Variants in ZBTB43 observed in about 807,000 individuals in gnomAD.
ZBTB43 encodes the protein zinc finger and BTB domain containing 43.
A neutral mutation model predicts 31.1 loss-of-function variants in ZBTB43; 6 were observed. The observed-to-expected ratio is 0.19, with a 90% confidence interval of 0.11 to 0.38. The LOEUF is 0.38. ZBTB43 is among the 10% of genes least tolerant of loss of function. ZBTB43 has a pLI of 1.00. For synonymous variants in ZBTB43, 212 were observed against 221.7 expected (o/e 0.96, Z 0.39); for missense variants, 379 against 602.1 (o/e 0.63, Z 3.88).
chr9:126,808,120 A>G (rs1047797131), intron 1 of ZBTB43, among the ~76,000 whole-genome samples: 1 of 152,176 alleles, frequency 6.6e-6, no homozygotes, highest in Non-Finnish European at 1.5e-5. Context: ...ATTCTAATGC[A>G]CGTGAGGGTA....
intron 1 of ZBTB43, among the ~76,000 whole-genome samples, chr9:126,807,684 A>G (rs1163331421): frequency 6.6e-6 from 1 of 151,976 alleles, no homozygotes; most frequent in Admixed American, 6.6e-5. Flanking sequence ...CGCCCAGGCT[A>G]GAGTGCAGTG....
chr9:126,814,874 A>G (rs113888604), intron 2 of ZBTB43, among the ~76,000 whole-genome samples: 97 of 152,086 alleles, frequency 6.4e-4, no homozygotes, highest in African/African-American at 2.2e-3. Context: ...CTAAGTTGAC[A>G]GGCCTTTCCG....
At chr9:126,830,903 C>T (rs2032749840) in intron 2 of ZBTB43, among the ~76,000 whole-genome samples, 1 of 152,100 alleles carries the variant, frequency 6.6e-6, no homozygotes, top group Non-Finnish European at 1.5e-5. Context: ...CCTTAGTCTT[C>T]GTTATAACTT....
At position 126,835,516 on chromosome 9, in the gene ZBTB43, A is replaced by G. The variant is rs2032860191; in HGVS notation, c.*1603A>G. The G allele has an allele frequency of 1.8e-5, 3 of 167,034 alleles. No individual in the cohort carries two copies. The Admixed American group carries it at 2.0e-4, about 11-fold the overall frequency. 10.3% of individuals were successfully genotyped at this position (167,034 alleles called of 1,614,324 possible). A position where few individuals can be genotyped will look rare whatever the true frequency, so the allele number is the denominator to read the frequency against. The stretch of plus-strand genomic sequence containing the variant: ...AAGTTTGGCTTTGCTGTAATGTAAT[A>G]GACATTGCTGGCAATGGCCTCTGAT... On this transcript the variant is annotated 3_prime_UTR_variant, in exon 3 of 3. Transcript: ENST00000373464.
chr9:126,829,607 A>G (rs904094702), intron 2 of ZBTB43, among the ~76,000 whole-genome samples: 2 of 152,196 alleles, frequency 1.3e-5, no homozygotes, highest in Non-Finnish European at 2.9e-5. Flanking sequence ...TTATTCTGAT[A>G]TATGCACAGG....
chr9:126,809,055 A>G (rs1473772234), intron 2 of ZBTB43, 140 bp downstream of exon 2: 1 of 152,206 alleles, frequency 6.6e-6, no homozygotes, highest in Non-Finnish European at 1.5e-5. Context: ...TTCTGAAGAG[A>G]TGTTACACCT....
chr9:126,837,968 A>T lies in ZBTB43; in HGVS notation c.*4055A>T, dbSNP rs1300904981. On this transcript the variant is annotated 3_prime_UTR_variant, in exon 3 of 3. Coordinates refer to ENST00000373464, the MANE Select transcript of ZBTB43 (RefSeq NM_014007.4). ...TATTTATGCAAGTCAGGTGACTCTT[A>T]GGCCACAAAACCATTTGATGATAAA... 6.0e-6 allele frequency: 1 copy of T among 166,712 alleles called. No individual in the cohort carries two copies. Among genetic ancestry groups the T allele is most frequent in the Non-Finnish European group, 1.5e-5 (1 of 68,094 alleles). 10.3% of individuals were successfully genotyped at this position (166,712 alleles called of 1,614,324 possible). A position where few individuals can be genotyped will look rare whatever the true frequency, so the allele number is the denominator to read the frequency against.
At chr9:126,814,888 C>G (rs748649300) in intron 2 of ZBTB43, among the ~76,000 whole-genome samples, 2 of 151,668 alleles carry the variant, frequency 1.3e-5, no homozygotes, top group African/African-American at 2.4e-5. Flanking sequence ...CTTTCCGCCC[C>G]CTCCCCCACC....
At chr9:126,813,298 C>A (rs2032290967) in intron 2 of ZBTB43, among the ~76,000 whole-genome samples, 1 of 152,108 alleles carries the variant, frequency 6.6e-6, no homozygotes, top group African/African-American at 2.4e-5. Flanking sequence ...ACTTTTATTA[C>A]TACCTAGACT....
At chr9:126,804,831 A>G (rs893068886), upstream of ZBTB43, among the ~76,000 whole-genome samples, 1 of 152,042 alleles carries the variant, frequency 6.6e-6, no homozygotes, top group Non-Finnish European at 1.5e-5. Context: ...CTGCTCCCCT[A>G]TTTTCAACAG....
In ZBTB43 at chr9:126,825,792, G is replaced by A. The variant is rs113552668; in HGVS notation, c.-23-6695G>A. On this transcript the variant is annotated intron_variant, in intron 2 of 2. Coordinates refer to ENST00000373464, the MANE Select transcript of ZBTB43 (RefSeq NM_014007.4). ...GGGGAAATGCAGTTCAGCCCGTAAT[G>A]CATCGTTGCACTTTTCAGCTCCAGC... 7.9e-5 allele frequency among the ~76,000 whole-genome samples: 12 copies of A among 151,572 alleles called. 1 individual carries two copies. The highest frequency in any genetic ancestry group is 2.9e-4 in the African/African-American group (12 of 41,260).
At chr9:126,814,931 T>C (rs1294788759) in intron 2 of ZBTB43, among the ~76,000 whole-genome samples, 1 of 150,782 alleles carries the variant, frequency 6.6e-6, no homozygotes, top group Admixed American at 6.6e-5. Flanking sequence ...GTCTCCTGTC[T>C]CCTGGCTTGC....
intron 2 of ZBTB43, among the ~76,000 whole-genome samples, chr9:126,826,049 T>C (rs1398399969): frequency 2.7e-5 from 4 of 146,932 alleles, no homozygotes; most frequent in Non-Finnish European, 4.5e-5. Context: ...GTTTCGCTCT[T>C]GTTGCCCAGG....
rs1286427836 is a variant in ZBTB43, at chr9:126,837,023, G to C, written c.*3110G>C. ...GGAGGCGGAGGCAGGAGAATCACTT[G>C]AACCTGGGAGGCGGAGGTTGCAGTG... On this transcript the variant is annotated 3_prime_UTR_variant, in exon 3 of 3. Transcript: ENST00000373464. The C allele has an allele frequency of 1.3e-5, 2 of 155,090 alleles. No homozygotes were observed. Among genetic ancestry groups the C allele is most frequent in the East Asian group, 3.9e-4 (2 of 5,146 alleles). 9.6% of individuals were successfully genotyped at this position (155,090 alleles called of 1,614,324 possible). A position where few individuals can be genotyped will look rare whatever the true frequency, so the allele number is the denominator to read the frequency against.
At position 126,835,660 on chromosome 9, in the gene ZBTB43, A is replaced by G. The variant is rs1165586859; in HGVS notation, c.*1747A>G. ...GATTACAAACAGGGATTTATTCACA[A>G]CACTGTATCATTCTCGATATATAAA... On this transcript the variant is annotated 3_prime_UTR_variant, in exon 3 of 3. Coordinates refer to ENST00000373464, the MANE Select transcript of ZBTB43 (RefSeq NM_014007.4). 1 of 166,980 alleles carries G rather than the reference A, an allele frequency of 6.0e-6. No homozygotes were observed. Among genetic ancestry groups the G allele is most frequent in the Non-Finnish European group, 1.5e-5 (1 of 68,104 alleles). The allele number at this position is 166,980 out of a possible 1,614,324, so 10.3% of individuals were successfully genotyped here. A position where few individuals can be genotyped will look rare whatever the true frequency, so the allele number is the denominator to read the frequency against.
chr9:126,813,412 A>G (rs1427736215), intron 2 of ZBTB43, among the ~76,000 whole-genome samples: 2 of 152,186 alleles, frequency 1.3e-5, no homozygotes, highest in African/African-American at 2.4e-5. Context: ...CACGTCACTT[A>G]GAAGTTTTCA....
In ZBTB43 at chr9:126,832,372, G is replaced by C. The variant is rs376815314; in HGVS notation, c.-23-115G>C. On this transcript the variant is annotated intron_variant, in intron 2 of 2. Coordinates refer to ENST00000373464, the MANE Select transcript of ZBTB43 (RefSeq NM_014007.4). ...GGGATTGAATCCCTTACCCAGTGGG[G>C]CCCATAGGCTAGAGGACTTTGTGGA... 66 of 968,432 alleles carry C rather than the reference G, an allele frequency of 6.8e-5. 3 individuals are homozygous for C. In the South Asian group the frequency reaches 1.1e-3, roughly 16 times the overall value. The allele number at this position is 968,432 out of a possible 1,614,324, so 60.0% of individuals were successfully genotyped here.
At chr9:126,830,110 A>G (rs1342762396) in intron 2 of ZBTB43, among the ~76,000 whole-genome samples, 1 of 152,228 alleles carries the variant, frequency 6.6e-6, no homozygotes, top group African/African-American at 2.4e-5. Context: ...CTGGATTCAC[A>G]TCTCAACTTA....
In ZBTB43 at chr9:126,832,764, C is replaced by T; in HGVS notation, c.255C>T (p.Leu85=). 6.2e-7 allele frequency: 1 copy of T among 1,614,116 alleles called. No homozygotes were observed. Among genetic ancestry groups the T allele is most frequent in the Non-Finnish European group, 8.5e-7 (1 of 1,180,028 alleles). Residue 85 remains leucine (L), a synonymous_variant, in exon 3 of 3, where the codon CTC becomes CTT. Coordinates refer to ENST00000373464, the MANE Select transcript of ZBTB43 (RefSeq NM_014007.4). ...VMNPRVFENI[L]LSSYTGRLVM... ...ACCCAAGAGTGTTTGAGAACATTCT[C>T]CTATCTAGTTATACAGGACGTCTAG...
Sources: gnomAD v4.1 joint callset for allele counts (sites outside exome capture counted in the v4.1 genomes callset) on GRCh38, gnomAD v4.1.1 for gene constraint, MANE v1.5 for transcripts, NCBI Gene and HGNC (gene_info 2026-07-23, HGNC 2026-07-21) for gene names.